Variants in PDLIM1 observed in about 807,000 individuals in gnomAD.
PDLIM1 encodes the protein PDZ and LIM domain protein 1.
Under a neutral mutation model 35.2 loss-of-function variants are expected in PDLIM1, and 25 were observed. The ratio of observed to expected loss-of-function variants is 0.71; its 90% CI spans 0.52 to 0.99. The LOEUF is 0.99. Among genes scored for constraint, PDLIM1 ranks in the 50% least tolerant of loss-of-function variants. The probability of loss-of-function intolerance (pLI) is 0.00; values close to 1 mark genes in which losing one functional copy is unlikely to be tolerated. For synonymous variants in PDLIM1, 152 were observed against 154.0 expected, an observed-to-expected ratio of 0.99 and a Z score of 0.10; for missense variants, 363 against 415.3, an observed-to-expected ratio of 0.87 and a Z score of 1.09.
intron 4 of PDLIM1, among the ~76,000 whole-genome samples, chr10:95,253,927 G>C (rs1182041609): frequency 6.6e-6 from 1 of 152,064 alleles, no homozygotes; most frequent in East Asian, 1.9e-4. Context: ...CCAGTAAACT[G>C]TGATAAGTTA....
intron 1 of PDLIM1, among the ~76,000 whole-genome samples, chr10:95,276,535 T>C (rs958924694): frequency 2.0e-5 from 3 of 152,198 alleles, no homozygotes; most frequent in Non-Finnish European, 4.4e-5. Flanking sequence ...ATAGTTCCTG[T>C]CTTGAATGGT....
intron 4 of PDLIM1, among the ~76,000 whole-genome samples, chr10:95,261,243 C>T (rs995939390): frequency 1.3e-5 from 2 of 152,158 alleles, no homozygotes; most frequent in African/African-American, 2.4e-5. Context: ...AAAATATTTC[C>T]CAGGCACATA....
Position 95,290,778 on chromosome 10 carries a change from C to A in PDLIM1, c.96+42G>T. ...GGGCCCCAGTCTCCGCATATCACCT[C>A]CCATAGCGCCCCGCTTCCACGCACG... On this transcript the variant is annotated intron_variant, in intron 1 of 6. Transcript: ENST00000329399. This position sits in a 1 kb window ranked among gnomAD's most constrained non-coding sequence, Gnocchi z 4.7. 3.6e-6 allele frequency: 5 copies of A among 1,408,312 alleles called. No individual in the cohort carries two copies. Among genetic ancestry groups the A allele is most frequent in the South Asian group, 1.3e-5 (1 of 76,858 alleles). The allele number at this position is 1,408,312 out of a possible 1,614,324, so 87.2% of individuals were successfully genotyped here.
In PDLIM1 at chr10:95,237,728, T is replaced by C. The variant is rs2035138015; in HGVS notation, c.*197A>G. ...GACAAGGTGACACTGAACAAAACAG[T>C]TTTCCTTTAATTGTAAAAGCGGGCA... On this transcript the variant is annotated 3_prime_UTR_variant, in exon 7 of 7. Transcript: ENST00000329399. The C allele has an allele frequency of 5.3e-6, 3 of 565,844 alleles. No homozygotes were observed. Among genetic ancestry groups the C allele is most frequent in the Non-Finnish European group, 9.4e-6 (3 of 319,406 alleles). The allele number at this position is 565,844 out of a possible 1,614,324, so 35.1% of individuals were successfully genotyped here.
rs758650219 is a variant in PDLIM1, at chr10:95,238,069, C to T, written c.846G>A (p.Glu282=). The T allele has an allele frequency of 1.9e-6, 3 of 1,613,962 alleles. No homozygotes were observed. Among genetic ancestry groups the T allele is most frequent in the African/African-American group, 2.7e-5 (2 of 74,918 alleles). The change falls in exon 7 of 7, where the codon GAG becomes GAA. Residue 282 remains glutamate (E), a synonymous_variant. Transcript: ENST00000329399. ...TGCCACAGTCAGTGCACACATAACA[C>T]TCAGGGTGGCGGTGACGGTCCCGCA... The part of the protein sequence containing the change: ...VKLRDRHRHP[E]CYVCTDCGTN...
Position 95,238,079 on chromosome 10 carries a change from C to T in PDLIM1, c.836G>A (p.Arg279His), listed in dbSNP as rs370809135. Residue 279 changes from arginine to histidine, a missense_variant, in exon 7 of 7, where the codon CGC becomes CAC. Arg to His is a conservative substitution (Grantham distance 29). Coordinates refer to ENST00000329399, the MANE Select transcript of PDLIM1 (RefSeq NM_020992.4). Reference protein sequence around the residue: ...GVFVKLRDRHRHPECYVCTDC... With the variant: ...GVFVKLRDRHHHPECYVCTDC... Reference sequence around the variant, plus strand: ...AGTGCACACATAACACTCAGGGTGGCGGTGACGGTCCCGCAGCTTCACAAA... The same window carrying T: ...AGTGCACACATAACACTCAGGGTGGTGGTGACGGTCCCGCAGCTTCACAAA... 4.6e-5 allele frequency: 74 copies of T among 1,613,832 alleles called. No homozygotes were observed. Among genetic ancestry groups the T allele is most frequent in the Non-Finnish European group, 5.8e-5 (69 of 1,179,956 alleles).
chr10:95,279,989 A>T (rs1418026678), intron 1 of PDLIM1, among the ~76,000 whole-genome samples: 11 of 152,232 alleles, frequency 7.2e-5, no homozygotes, highest in Non-Finnish European at 1.3e-4. Context: ...TGCATTTTTT[A>T]AAATGTTCTT....
intron 1 of PDLIM1, among the ~76,000 whole-genome samples, chr10:95,289,922 CTG>C (rs1298694262): frequency 2.6e-5 from 4 of 152,214 alleles, no homozygotes; most frequent in Admixed American, 2.6e-4. Flanking sequence ...GGACATCAAC[CTG>C]TGTTTGGCCA....
chr10:95,242,619 G>A (rs574515475), intron 5 of PDLIM1, among the ~76,000 whole-genome samples: 1 of 151,874 alleles, frequency 6.6e-6, no homozygotes. Context: ...CCCGGGAGGC[G>A]GAGGTTGCAG....
chr10:95,287,437 C>T (rs1221986110), intron 1 of PDLIM1, among the ~76,000 whole-genome samples: 2 of 152,196 alleles, frequency 1.3e-5, no homozygotes, highest in Non-Finnish European at 2.9e-5. Flanking sequence ...GCATTTGCCA[C>T]AGAACCGCTC....
chr10:95,251,402 T>C (rs1361730999), intron 4 of PDLIM1, among the ~76,000 whole-genome samples: 3 of 152,058 alleles, frequency 2.0e-5, no homozygotes, highest in Non-Finnish European at 1.5e-5. Flanking sequence ...GTGAAACTCC[T>C]ATCTCTACTA....
rs765114326 is a variant in PDLIM1, at chr10:95,264,066, G to A, written c.334-3C>T. On this transcript the variant is annotated splice_polypyrimidine_tract_variant and splice_region_variant and intron_variant, in intron 3 of 6. Coordinates refer to ENST00000329399, the MANE Select transcript of PDLIM1 (RefSeq NM_020992.4). ...GCGCTTCCTATGTGCAGGACCTCCTGCAGGCAGGGATCAGAGGAGAAATCA... is the reference window on the plus strand; with the variant it reads ...GCGCTTCCTATGTGCAGGACCTCCTACAGGCAGGGATCAGAGGAGAAATCA... The A allele has an allele frequency of 6.2e-7, 1 of 1,612,864 alleles. No homozygotes were observed.
chr10:95,276,910 A>C (rs2035516422), intron 1 of PDLIM1, among the ~76,000 whole-genome samples: 2 of 149,302 alleles, frequency 1.3e-5, no homozygotes, highest in South Asian at 4.3e-4. Context: ...AAAAAAAAAA[A>C]AAAAAAAAAA....
intron 5 of PDLIM1, among the ~76,000 whole-genome samples, chr10:95,240,188 T>C (rs967380668): frequency 6.6e-6 from 1 of 152,174 alleles, no homozygotes; most frequent in Non-Finnish European, 1.5e-5. Context: ...ACATGCACTC[T>C]TACGTTCATC....
chr10:95,238,613 T>C lies in PDLIM1; in HGVS notation c.758A>G (p.Asn253Ser). 6.2e-7 allele frequency: 1 copy of C among 1,613,998 alleles called. No individual in the cohort carries two copies. Among genetic ancestry groups the C allele is most frequent in the Non-Finnish European group, 8.5e-7 (1 of 1,179,884 alleles). ...GTCACACATAGGCAACTTCTGAGCATTTCCAATCGACGCAGCCACTTTAGT... is the reference window on the plus strand; with the variant it reads ...GTCACACATAGGCAACTTCTGAGCACTTCCAATCGACGCAGCCACTTTAGT... Reference protein sequence around the residue: ...PVTKVAASIGNAQKLPMCDKC... With the variant: ...PVTKVAASIGSAQKLPMCDKC... Residue 253 changes from asparagine to serine, a missense_variant, in exon 6 of 7, where the codon AAT becomes AGT. By Grantham distance (46) the Asn-to-Ser change is conservative. Coordinates refer to ENST00000329399, the MANE Select transcript of PDLIM1 (RefSeq NM_020992.4).
In PDLIM1 at chr10:95,238,600, C is replaced by T. The variant is rs1197348657; in HGVS notation, c.771G>A (p.Leu257=). 1.2e-6 allele frequency: 2 copies of T among 1,613,124 alleles called. No individual in the cohort carries two copies. Among genetic ancestry groups the T allele is most frequent in the African/African-American group, 2.7e-5 (2 of 74,918 alleles). The change falls in exon 6 of 7, where the codon TTG becomes TTA. Residue 257 remains leucine (L), a synonymous_variant. Transcript: ENST00000329399. Reference sequence around the variant, plus strand: ...CAGTGCCACATTTGTCACACATAGGCAACTTCTGAGCATTTCCAATCGACG... The same window carrying T: ...CAGTGCCACATTTGTCACACATAGGTAACTTCTGAGCATTTCCAATCGACG... The part of the protein sequence containing the change: ...VAASIGNAQK[L]PMCDKCGTGI...
intron 3 of PDLIM1, among the ~76,000 whole-genome samples, chr10:95,264,762 GTA>G (rs763701559): frequency 1.3e-5 from 2 of 152,082 alleles, no homozygotes; most frequent in Non-Finnish European, 2.9e-5. Flanking sequence ...CCCTCTTTCT[GTA>G]ATTTGAGAAA....
intron 4 of PDLIM1, among the ~76,000 whole-genome samples, chr10:95,248,232 A>G (rs1564598554): frequency 6.6e-6 from 1 of 152,182 alleles, no homozygotes; most frequent in African/African-American, 2.4e-5. Context: ...GCCTCTATTC[A>G]AAATATCAGA....
At chr10:95,250,948 G>A (rs948257904) in intron 4 of PDLIM1, among the ~76,000 whole-genome samples, 1 of 152,184 alleles carries the variant, frequency 6.6e-6, no homozygotes, top group Non-Finnish European at 1.5e-5. Context: ...CAAATAAGAT[G>A]GCTGACACAG....
Sources: gnomAD v4.1 joint callset for allele counts (sites outside exome capture counted in the v4.1 genomes callset) on GRCh38, gnomAD v4.1.1 for gene constraint, Gnocchi (gnomAD v3.1) non-coding constraint, MANE v1.5 for transcripts, NCBI Gene and HGNC (gene_info 2026-07-23, HGNC 2026-07-21) for gene names.